Variants in C1orf116 observed in about 807,000 individuals in gnomAD.
C1orf116 encodes the protein specifically androgen-regulated gene protein.
C1orf116 carries 12 observed loss-of-function variants against 14.1 expected under a neutral mutation model. That is an observed-to-expected ratio of 0.85 (90% CI 0.54 to 1.38). The LOEUF is 1.38. Among genes scored for constraint, C1orf116 ranks in the 40% most tolerant of loss-of-function variants. The pLI is 0.00. For synonymous variants in C1orf116, 296 were observed against 299.0 expected, an observed-to-expected ratio of 0.99 and a Z score of 0.10; for missense variants, 797 against 747.0, an observed-to-expected ratio of 1.07 and a Z score of -0.78.
At chr1:207,030,797 C>T (rs1025826404) in intron 1 of C1orf116, among the ~76,000 whole-genome samples, 1 of 152,192 alleles carries the variant, frequency 6.6e-6, no homozygotes, top group Non-Finnish European at 1.5e-5. Flanking sequence ...TCTTTGGGAA[C>T]TTAACGGGAG....
rs1681873374 is a variant in C1orf116 at position 207,022,008 on chromosome 1, T to C, written c.1756A>G (p.Asn586Asp). Residue 586 changes from asparagine to aspartate, a missense_variant, in exon 4 of 4, where the codon AAT becomes GAT. Transcript: ENST00000359470. ...SVKISPKGVP[N>D]EHRREALKKL... ...TTCAGGGCCTCCCTTCTGTGTTCAT[T>C]GGGGACACCCTTTGGGGAGATCTTG... The C allele has an allele frequency of 6.4e-7, 1 of 1,559,888 alleles. No individual in the cohort carries two copies. Among genetic ancestry groups the C allele is most frequent in the South Asian group, 1.3e-5 (1 of 79,806 alleles).
chr1:207,021,796 T>G lies in C1orf116; in HGVS notation c.*162A>C. 1 of 643,824 alleles carries G rather than the reference T, an allele frequency of 1.6e-6. No individual in the cohort carries two copies. The highest frequency in any genetic ancestry group is 3.7e-5 in the South Asian group (1 of 27,130). The allele number at this position is 643,824 out of a possible 1,614,324, so 39.9% of individuals were successfully genotyped here. ...GAGATCACCTTCAGAATGATCCACATGGGAACTCAATGGCACAACACTGAA... is the reference window on the plus strand; with the variant it reads ...GAGATCACCTTCAGAATGATCCACAGGGGAACTCAATGGCACAACACTGAA... On this transcript the variant is annotated 3_prime_UTR_variant, in exon 4 of 4. Transcript: ENST00000359470.
rs1477213347 is a variant in C1orf116, at chr1:207,018,594, A to T, written c.*3364T>A. On this transcript the variant is annotated 3_prime_UTR_variant, in exon 4 of 4. Coordinates refer to ENST00000359470, the MANE Select transcript of C1orf116 (RefSeq NM_023938.6). ...TTTACATGTTTTATATCACTTATTTATCTCAACAATCTTGAAAGGGTGGTA... is the reference window on the plus strand; with the variant it reads ...TTTACATGTTTTATATCACTTATTTTTCTCAACAATCTTGAAAGGGTGGTA... The T allele has an allele frequency of 1.3e-5, 2 of 152,220 alleles. No individual in the cohort carries two copies. The highest frequency in any genetic ancestry group is 1.5e-5 in the Non-Finnish European group (1 of 68,032). The allele number at this position is 152,220 out of a possible 1,614,324, so 9.4% of individuals were successfully genotyped here.
At position 207,023,218 on chromosome 1, in the gene C1orf116, T is replaced by C. The variant is rs1295797831; in HGVS notation, c.546A>G (p.Ala182=). Residue 182 remains alanine (A), a synonymous_variant, in exon 4 of 4, where the codon GCA becomes GCG. Transcript: ENST00000359470. ...GGGCAGCCTCCTGGGGGCTGGCAGG[T>C]GCCTGCCTGGGTTGGCTGCTCTGGC... The part of the protein sequence containing the change: ...QVSQSSQPRQ[A]PASPQEAALD... 5.0e-6 allele frequency: 8 copies of C among 1,610,050 alleles called. No homozygotes were observed. In the African/African-American group the frequency reaches 6.7e-5, roughly 13 times the overall value.
Position 207,022,376 on chromosome 1 carries a change from C to G in C1orf116, c.1388G>C (p.Gly463Ala), listed in dbSNP as rs748277215. ...GGTGTTGCTCTCCTGGAGAGTCAGC[C>G]CTGACTCTGGCTTCGGTGGAGTCAG... is the stretch of plus-strand genomic sequence containing the variant. ...SALTPPKPES[G>A]LTLQESNTPG... is the part of the protein sequence containing the mutation. Residue 463 changes from glycine (G) to alanine (A), a missense_variant, in exon 4 of 4, where the codon GGG (glycine) becomes GCG (alanine). Coordinates refer to ENST00000359470, the MANE Select transcript of C1orf116 (RefSeq NM_023938.6). The G allele has an allele frequency of 3.1e-6, 5 of 1,613,964 alleles. No homozygotes were observed. In the East Asian group the frequency reaches 1.1e-4, roughly 36 times the overall value.
intron 1 of C1orf116, among the ~76,000 whole-genome samples, chr1:207,031,644 C>G (rs752195325): frequency 6.6e-6 from 1 of 152,200 alleles, no homozygotes. Context: ...TACTCTGACT[C>G]GACTCCTACA....
intron 2 of C1orf116, 117 bp downstream of exon 2, chr1:207,027,377 A>G (rs1682111126): frequency 1.5e-6 from 2 of 1,311,974 alleles, no homozygotes; most frequent in African/African-American, 1.4e-5. Flanking sequence ...TCACTCCCCA[A>G]CAATGAAAGA....
intron 1 of C1orf116, among the ~76,000 whole-genome samples, chr1:207,027,887 A>G (rs1013254467): frequency 6.6e-6 from 1 of 152,210 alleles, no homozygotes; most frequent in African/African-American, 2.4e-5. Context: ...GTTGGTGGAG[A>G]GGCAGTCTAG....
chr1:207,022,399 C>A lies in C1orf116; in HGVS notation c.1365G>T (p.Leu455=). The A allele has an allele frequency of 6.2e-7, 1 of 1,614,152 alleles. No homozygotes were observed. The highest frequency in any genetic ancestry group is 1.1e-5 in the South Asian group (1 of 91,046). Reference sequence around the variant, plus strand: ...GCCCTGACTCTGGCTTCGGTGGAGTCAGGGCACTGTTTGCCCTTGGGGCCT... The same window carrying A: ...GCCCTGACTCTGGCTTCGGTGGAGTAAGGGCACTGTTTGCCCTTGGGGCCT... ...IPKAPRANSA[L]TPPKPESGLT... The change falls in exon 4 of 4, where the codon CTG becomes CTT. Residue 455 remains leucine (L), a synonymous_variant. Transcript: ENST00000359470.
chr1:207,028,685 C>G (rs1470566236), intron 1 of C1orf116, among the ~76,000 whole-genome samples: 2 of 152,164 alleles, frequency 1.3e-5, no homozygotes, highest in Non-Finnish European at 2.9e-5. Flanking sequence ...ATAGTAGTAG[C>G]AAAGGAAGGC....
Position 207,022,725 on chromosome 1 carries a change from G to A in C1orf116, c.1039C>T (p.Arg347Cys), listed in dbSNP as rs200569642. 5.5e-5 allele frequency: 88 copies of A among 1,614,036 alleles called. No homozygotes were observed. The highest frequency in any genetic ancestry group is 6.7e-5 in the Admixed American group (4 of 60,006). Residue 347 changes from arginine (R) to cysteine (C), a missense_variant, in exon 4 of 4, where the codon CGT becomes TGT. Physicochemically the swap from Arg to Cys is radical, Grantham distance 180. Transcript: ENST00000359470. ...CCCAGCTTCTCTAGAGCTTCTTTAC[G>A]TGCTTTTCTCTGCTCTTGCAGTGAA... is the stretch of plus-strand genomic sequence containing the variant. ...SCSLQEQRKA[R>C]KEALEKLGLP...
chr1:207,027,776 A>G (rs113748299), intron 1 of C1orf116, 97 bp from the exon 2 acceptor site: 9 of 1,345,704 alleles, frequency 6.7e-6, no homozygotes, highest in African/African-American at 5.9e-5. Context: ...CCAAGCAAGC[A>G]GAGAGCTGGA....
intron 2 of C1orf116, 118 bp from the exon 3 acceptor site, chr1:207,025,182 T>A: frequency 1.4e-6 from 1 of 733,920 alleles, no homozygotes; most frequent in South Asian, 1.7e-5. Context: ...TGGCGGGGCC[T>A]GAGAACCACC....
rs1236546644 is a variant in C1orf116, at chr1:207,024,888, C to G, written c.282G>C (p.Arg94=). 5.0e-6 allele frequency: 8 copies of G among 1,610,900 alleles called. No homozygotes were observed. The highest frequency in any genetic ancestry group is 6.8e-6 in the Non-Finnish European group (8 of 1,177,370). ...TCCACCCCAGAGGGTCTGCCTTACC[C>G]CGGGGAGTGGGTTGGGTTATGGGCA... ...RALPITQPTP[R]GGPEETITQQ... The change falls in exon 3 of 4, where the codon CGG becomes CGC. Residue 94 remains arginine (R), a splice_region_variant and synonymous_variant. Coordinates refer to ENST00000359470, the MANE Select transcript of C1orf116 (RefSeq NM_023938.6).
chr1:207,025,192 C>G (rs1239978924), intron 2 of C1orf116, 128 bp from the exon 3 acceptor site: 1 of 678,118 alleles, frequency 1.5e-6, no homozygotes, highest in Non-Finnish European at 2.5e-6. Flanking sequence ...TGAGAACCAC[C>G]CTGCAGAGAG....
intron 2 of C1orf116, among the ~76,000 whole-genome samples, chr1:207,026,421 C>T (rs60384373): frequency 6.6e-6 from 1 of 152,254 alleles, no homozygotes; most frequent in South Asian, 2.1e-4. Flanking sequence ...CCTTTAATCC[C>T]TGTCACATTC....
rs138093754 is a variant in C1orf116 at position 207,022,227 on chromosome 1, A to C, written c.1537T>G (p.Ser513Ala). ...CTGGGCGAGATCTTGTCCAAGAAGGAGCCCTTTCCCAGAGAAGTGCTGGTT... is the reference window on the plus strand; with the variant it reads ...CTGGGCGAGATCTTGTCCAAGAAGGCGCCCTTTCCCAGAGAAGTGCTGGTT... ...PKTSTSLGKG[S>A]FLDKISPSVL... The change falls in exon 4 of 4, where the codon TCC becomes GCC. Residue 513 changes from serine to alanine, a missense_variant. Ser to Ala is a moderately conservative substitution (Grantham distance 99). Transcript: ENST00000359470. The C allele has an allele frequency of 1.9e-6, 3 of 1,613,998 alleles. No individual in the cohort carries two copies. The highest frequency in any genetic ancestry group is 1.1e-5 in the South Asian group (1 of 91,036).
chr1:207,027,478 G>C lies in C1orf116; in HGVS notation c.105+16C>G, dbSNP rs751106800. On this transcript the variant is annotated intron_variant, in intron 2 of 3. Transcript: ENST00000359470. ...CAGAGAGCAGACCAGGTTGCGGGAG[G>C]GAGAGTATTACGTACAGATCCAGAG... 2 of 1,613,614 alleles carry C rather than the reference G, an allele frequency of 1.2e-6. No homozygotes were observed. The highest frequency in any genetic ancestry group is 1.7e-6 in the Non-Finnish European group (2 of 1,179,972).
chr1:207,022,974 G>T lies in C1orf116; in HGVS notation c.790C>A (p.Pro264Thr). The change falls in exon 4 of 4, where the codon CCT (proline) becomes ACT (threonine). Residue 264 changes from proline to threonine, a missense_variant. Pro to Thr is a conservative substitution (Grantham distance 38). Transcript: ENST00000359470. ...TTCTGAGGCAACCCTGCAGGAGGAG[G>T]CTGGGGTTGTGTGTACCTGGTTGAG... ...TVSTRYTQPQ[P>T]PPAGLPQNAR... 6.2e-7 allele frequency: 1 copy of T among 1,614,152 alleles called. No homozygotes were observed. The highest frequency in any genetic ancestry group is 2.2e-5 in the East Asian group (1 of 44,878).
Sources: gnomAD v4.1 joint callset for allele counts (sites outside exome capture counted in the v4.1 genomes callset) on GRCh38, gnomAD v4.1.1 for gene constraint, MANE v1.5 for transcripts, NCBI Gene and HGNC (gene_info 2026-07-23, HGNC 2026-07-21) for gene names.